FLG: variants seen among roughly 807,000 people sequenced by gnomAD.
FLG encodes the protein epidermal filaggrin.
Under a neutral mutation model 3.8 loss-of-function variants are expected in FLG, and 6 were observed. The ratio of observed to expected loss-of-function variants is 1.60; its 90% CI spans 0.87 to 3.15. The LOEUF is 3.15. FLG is among the 30% of genes most tolerant of loss of function. The pLI, the probability that FLG is intolerant of heterozygous loss-of-function variation, is 0.00. For synonymous variants in FLG, 2,551 were observed against 1,931.6 expected (o/e 1.32, Z -8.41); for missense variants, 7,595 against 5,050.9 (o/e 1.50, Z -15.27).
In FLG at chr1:152,310,060, C is replaced by G. The variant is rs1652284576; in HGVS notation, c.4826G>C (p.Arg1609Thr). ...GTTTCTGGAAGCCGACTCAGACCGC[C>G]TCTCAGAGTCTTCTGAGTGTCCCTC... ...DSEGHSEDSERRSESASRNHY... is the reference protein window; with the variant it reads ...DSEGHSEDSETRSESASRNHY... Residue 1609 changes from arginine (R) to threonine (T), a missense_variant, in exon 3 of 3, where the codon AGG becomes ACG. Arg to Thr is a moderately conservative substitution (Grantham distance 71). Transcript: ENST00000368799. 1 of 1,613,720 alleles carries G rather than the reference C, an allele frequency of 6.2e-7. No individual in the cohort carries two copies. The highest frequency in any genetic ancestry group is 1.7e-5 in the Admixed American group (1 of 59,988).
intron 1 of FLG, among the ~76,000 whole-genome samples, chr1:152,318,214 A>G (rs1364569839): frequency 6.6e-6 from 1 of 151,940 alleles, no homozygotes; most frequent in East Asian, 1.9e-4. Flanking sequence ...TTTCTCTCTT[A>G]AAATGTTTAC....
chr1:152,320,545 C>T (rs1652927412), intron 1 of FLG, among the ~76,000 whole-genome samples: 1 of 150,982 alleles, frequency 6.6e-6, no homozygotes, highest in African/African-American at 2.4e-5. Flanking sequence ...ATCAATTCTC[C>T]AGGAAGCCTC....
rs535778983 is a variant in FLG at position 152,313,815 on chromosome 1, G to A, written c.1071C>T (p.Gly357=). 1 of 1,614,132 alleles carries A rather than the reference G, an allele frequency of 6.2e-7. No homozygotes were observed. Among genetic ancestry groups the A allele is most frequent in the South Asian group, 1.1e-5 (1 of 91,080 alleles). The change falls in exon 3 of 3, where the codon GGC becomes GGT. Residue 357 remains glycine, a synonymous_variant. Transcript: ENST00000368799. The part of the protein sequence containing the change: ...GHSADSSRQS[G]TRHAETSSRG... ...GAGAGGAAGTCTCTGCGTGACGAGT[G>A]CCTGATTGTCTGGAGCTGTCTGCAG...
rs1246474971 is a variant in FLG, at chr1:152,302,978, A to C, written c.11908T>G (p.Ser3970Ala). ...CTGCCATGTCTCCAAACTAAACCTG[A>C]TTGACCTTTTTGCCTTTCAGTGCCC... ...SEGTERQKGQ[S>A]GLVWRHGSYG... Residue 3970 changes from serine to alanine, a missense_variant, in exon 3 of 3, where the codon TCA becomes GCA. Coordinates refer to ENST00000368799, the MANE Select transcript of FLG (RefSeq NM_002016.2). 1 of 1,614,034 alleles carries C rather than the reference A, an allele frequency of 6.2e-7. No homozygotes were observed. Among genetic ancestry groups the C allele is most frequent in the Non-Finnish European group, 8.5e-7 (1 of 1,180,022 alleles).
Position 152,311,420 on chromosome 1 carries a change from A to C in FLG, c.3466T>G (p.Ser1156Ala). The C allele has an allele frequency of 3.1e-6, 5 of 1,613,712 alleles. No individual in the cohort carries two copies. The highest frequency in any genetic ancestry group is 4.2e-6 in the Non-Finnish European group (5 of 1,179,942). Residue 1156 changes from serine to alanine, a missense_variant, in exon 3 of 3, where the codon TCA (serine) becomes GCA (alanine). Ser to Ala is a moderately conservative substitution (Grantham distance 99, BLOSUM62 1). Coordinates refer to ENST00000368799, the MANE Select transcript of FLG (RefSeq NM_002016.2). ...HEQARDSSRH[S>A]ASQEGQDTIR... is the part of the protein sequence containing the mutation. Reference sequence around the variant, plus strand: ...GTGTCCTGACCCTCTTGGGACGCTGAGTGCCTGGAGCTGTCTCGTGCCTGC... The same window carrying C: ...GTGTCCTGACCCTCTTGGGACGCTGCGTGCCTGGAGCTGTCTCGTGCCTGC...
rs192763458 is a variant in FLG at position 152,302,597 on chromosome 1, A to T, written c.*103T>A. 3 of 1,449,406 alleles carry T rather than the reference A, an allele frequency of 2.1e-6. No individual in the cohort carries two copies. Among genetic ancestry groups the T allele is most frequent in the Non-Finnish European group, 1.9e-6 (2 of 1,072,680 alleles). The allele number at this position is 1,449,406 out of a possible 1,614,324, so 89.8% of individuals were successfully genotyped here. Reference sequence around the variant, plus strand: ...ACTATAGCATATTTTAAACAGATTGACAGGAAAAGATAACTTCCCTGAAAG... The same window carrying T: ...ACTATAGCATATTTTAAACAGATTGTCAGGAAAAGATAACTTCCCTGAAAG... On this transcript the variant is annotated 3_prime_UTR_variant, in exon 3 of 3. Transcript: ENST00000368799.
rs372440561 is a variant in FLG at position 152,309,419 on chromosome 1, C to T, written c.5467G>A (p.Gly1823Arg). 2.5e-6 allele frequency: 4 copies of T among 1,613,582 alleles called. No homozygotes were observed. The highest frequency in any genetic ancestry group is 2.7e-5 in the African/African-American group (2 of 74,762). The change falls in exon 3 of 3, where the codon GGA (glycine) becomes AGA (arginine). Residue 1823 changes from glycine to arginine, a missense_variant. Physicochemically the swap from Gly to Arg is moderately radical, Grantham distance 125. Coordinates refer to ENST00000368799, the MANE Select transcript of FLG (RefSeq NM_002016.2). The stretch of plus-strand genomic sequence containing the variant: ...TGCTCATAGTGGGATCCCTGCCTTC[C>T]TCCTCTGCTTGACCCTGGGTGTCCA... ...IRGHPGSSRG[G>R]RQGSHYEQSV...
chr1:152,307,601 C>T lies in FLG; in HGVS notation c.7285G>A (p.Gly2429Arg). 6.2e-7 allele frequency: 1 copy of T among 1,613,816 alleles called. No homozygotes were observed. The highest frequency in any genetic ancestry group is 8.5e-7 in the Non-Finnish European group (1 of 1,179,966). ...CCTCCAGTGCTGGTCCCGGTCCGTC[C>T]ATGGGCGGACTCAGACTGTTCATGA... ...STHEQSESAH[G>R]RTGTSTGGRQ... The change falls in exon 3 of 3, where the codon GGA (glycine) becomes AGA (arginine). Residue 2429 changes from glycine to arginine, a missense_variant. Coordinates refer to ENST00000368799, the MANE Select transcript of FLG (RefSeq NM_002016.2).
At chr1:152,317,137 G>A (rs904152096) in intron 1 of FLG, among the ~76,000 whole-genome samples, 2 of 152,036 alleles carry the variant, frequency 1.3e-5, no homozygotes, top group African/African-American at 2.4e-5. Flanking sequence ...TGCTTTTGCA[G>A]TTGCCTACTT....
At position 152,305,566 on chromosome 1, in the gene FLG, T is replaced by G; in HGVS notation, c.9320A>C (p.Gln3107Pro). The G allele has an allele frequency of 6.6e-7, 1 of 1,511,748 alleles. No individual in the cohort carries two copies. The highest frequency in any genetic ancestry group is 8.8e-7 in the Non-Finnish European group (1 of 1,135,308). 93.6% of individuals were successfully genotyped at this position (1,511,748 alleles called of 1,614,324 possible). ...CCCCGGGTGTCCACGAATGGTGTCC[T>G]GACCGTATTGGGATGCTGAGTGCCT... ...SSRHSASQYGQDTIRGHPGSS... is the reference protein window; with the variant it reads ...SSRHSASQYGPDTIRGHPGSS... The change falls in exon 3 of 3, where the codon CAG becomes CCG. Residue 3107 changes from glutamine (Q) to proline (P), a missense_variant. By Grantham distance (76) the Gln-to-Pro change is moderately conservative. Coordinates refer to ENST00000368799, the MANE Select transcript of FLG (RefSeq NM_002016.2).
chr1:152,312,102 T>G lies in FLG; in HGVS notation c.2784A>C (p.Ala928=), dbSNP rs770186441. The G allele has an allele frequency of 3.1e-6, 5 of 1,613,844 alleles. No individual in the cohort carries two copies. The highest frequency in any genetic ancestry group is 4.2e-6 in the Non-Finnish European group (5 of 1,179,996). The change falls in exon 3 of 3, where the codon GCA becomes GCC. Residue 928 remains alanine, a synonymous_variant. Coordinates refer to ENST00000368799, the MANE Select transcript of FLG (RefSeq NM_002016.2). ...TGGACCCCTCTGATTGTCCCTGGCC[T>G]GCCTGTGAGTGTCTAGAGATGTCGG... The part of the protein sequence containing the change: ...SHADISRHSQ[A]GQGQSEGSRT...
At chr1:152,320,792 G>A (rs1027972387) in intron 1 of FLG, among the ~76,000 whole-genome samples, 1 of 150,982 alleles carries the variant, frequency 6.6e-6, no homozygotes, top group Admixed American at 6.6e-5. Context: ...CATAAAGCAA[G>A]TTTCAATAAA....
rs753068950 is a variant in FLG at position 152,310,092 on chromosome 1, C to T, written c.4794G>A (p.Arg1598=). ...AGTCTTCTGAGTGTCCCTCACTGTC[C>T]CTGTCCTGACTAACACTGGATCCCT... The part of the protein sequence containing the change: ...RRQGSSVSQD[R]DSEGHSEDSE... The change falls in exon 3 of 3, where the codon AGG becomes AGA. Residue 1598 remains arginine, a synonymous_variant. Transcript: ENST00000368799. The T allele has an allele frequency of 2.5e-6, 4 of 1,613,690 alleles. No homozygotes were observed. The African/African-American group carries it at 5.3e-5, about 22-fold the overall frequency.
rs545655284 is a variant in FLG at position 152,309,192 on chromosome 1, C to T, written c.5694G>A (p.Ser1898=). 1.2e-4 allele frequency: 199 copies of T among 1,613,096 alleles called. No individual in the cohort carries two copies. In the African/African-American group the frequency reaches 1.6e-3, roughly 13 times the overall value. Residue 1898 remains serine (S), a synonymous_variant, in exon 3 of 3, where the codon TCG becomes TCA. Coordinates refer to ENST00000368799, the MANE Select transcript of FLG (RefSeq NM_002016.2). ...CTGATGATTGTCCCTGGCCCACCTG[C>T]GAGTGTCTAGAGCTGTCGGCCCGAG... ...ASSRADSSRH[S]QVGQGQSSGP...
chr1:152,312,806 C>T lies in FLG; in HGVS notation c.2080G>A (p.Ala694Thr), dbSNP rs375514963. ...GATCTTGCCTGTTCATGGGATGACG[C>T]AGCCTGTCCACTAGAGGAATTCTGT... ...HTQNSSSGQA[A>T]SSHEQARSSA... The change falls in exon 3 of 3, where the codon GCG becomes ACG. Residue 694 changes from alanine (A) to threonine (T), a missense_variant. By Grantham distance (58) the Ala-to-Thr change is moderately conservative. Transcript: ENST00000368799. 3 of 1,614,062 alleles carry T rather than the reference C, an allele frequency of 1.9e-6. No homozygotes were observed. Among genetic ancestry groups the T allele is most frequent in the Non-Finnish European group, 2.5e-6 (3 of 1,180,024 alleles).
Position 152,308,469 on chromosome 1 carries a change from A to G in FLG, c.6417T>C (p.Arg2139=). The G allele has an allele frequency of 6.2e-7, 1 of 1,613,578 alleles. No homozygotes were observed. The highest frequency in any genetic ancestry group is 2.2e-5 in the East Asian group (1 of 44,864). ...SASQEGQDTI[R]GHPGPSRGGR... ...CTCCTCTGCTTGGCCCCGGGTGTCCACGAATGGTGTCCTGACCCTCTTGGG... is the reference window on the plus strand; with the variant it reads ...CTCCTCTGCTTGGCCCCGGGTGTCCGCGAATGGTGTCCTGACCCTCTTGGG... The change falls in exon 3 of 3, where the codon CGT becomes CGC. Residue 2139 remains arginine (R), a synonymous_variant. Coordinates refer to ENST00000368799, the MANE Select transcript of FLG (RefSeq NM_002016.2).
rs2101652717 is a variant in FLG at position 152,313,956 on chromosome 1, A to T, written c.930T>A (p.Ser310=). 6.2e-7 allele frequency: 1 copy of T among 1,612,126 alleles called. No individual in the cohort carries two copies. The highest frequency in any genetic ancestry group is 2.2e-5 in the East Asian group (1 of 44,682). ...TGGAAGCCGACCCAGAGTGCCTCTCAGAGTCTTCTGAGTGTCCCTCACTGT... is the reference window on the plus strand; with the variant it reads ...TGGAAGCCGACCCAGAGTGCCTCTCTGAGTCTTCTGAGTGTCCCTCACTGT... ...DRDSEGHSED[S]ERHSGSASRN... is the part of the protein sequence containing the mutation. Residue 310 remains serine (S), a synonymous_variant, in exon 3 of 3, where the codon TCT becomes TCA. Coordinates refer to ENST00000368799, the MANE Select transcript of FLG (RefSeq NM_002016.2).
rs150213256 is a variant in FLG, at chr1:152,304,644, G to T, written c.10242C>A (p.His3414Gln). Residue 3414 changes from histidine (H) to glutamine (Q), a missense_variant, in exon 3 of 3, where the codon CAC becomes CAA. Coordinates refer to ENST00000368799, the MANE Select transcript of FLG (RefSeq NM_002016.2). Reference sequence around the variant, plus strand: ...TGGAGCTGTCTCGTGCCTGCTCGTGGTGGGATCCTTGTCTTCGTCCAGTGC... The same window carrying T: ...TGGAGCTGTCTCGTGCCTGCTCGTGTTGGGATCCTTGTCTTCGTCCAGTGC... ...RTSTGRRQGS[H>Q]HEQARDSSRH... The T allele has an allele frequency of 4.4e-4, 705 of 1,612,376 alleles. 3 individuals are homozygous for T. Among genetic ancestry groups the T allele is most frequent in the Non-Finnish European group, 5.7e-4 (668 of 1,179,412 alleles).
In FLG at chr1:152,311,869, C is replaced by G. The variant is rs1270357568; in HGVS notation, c.3017G>C (p.Gly1006Ala). 6.2e-7 allele frequency: 1 copy of G among 1,614,128 alleles called. No homozygotes were observed. Among genetic ancestry groups the G allele is most frequent in the Admixed American group, 1.7e-5 (1 of 60,020 alleles). ...GHSADSSRQS[G>A]TPHAETSSGG... ...AGAGGAAGTCTCTGCGTGAGGAGTT[C>G]CTGATTGTCTGGAGCTGTCTGCAGA... is the stretch of plus-strand genomic sequence containing the variant. Residue 1006 changes from glycine to alanine, a missense_variant, in exon 3 of 3, where the codon GGA (glycine) becomes GCA (alanine). Gly to Ala is a moderately conservative substitution (Grantham distance 60). Coordinates refer to ENST00000368799, the MANE Select transcript of FLG (RefSeq NM_002016.2).
Sources: allele counts gnomAD v4.1 joint callset (sites outside exome capture counted in the v4.1 genomes callset), GRCh38; gene constraint gnomAD v4.1.1; transcripts MANE v1.5; gene names NCBI Gene and HGNC (gene_info 2026-07-23, HGNC 2026-07-21).